The following WWOX variants were observed in gnomAD, a reference collection of about 807,000 sequenced individuals.
The protein encoded by WWOX is WW domain-containing oxidoreductase.
Under a neutral mutation model 46.2 loss-of-function variants are expected in WWOX, and 69 were observed. The observed-to-expected ratio is 1.49, with a 90% CI of 1.23 to 1.82. The LOEUF is 1.82. Among genes scored for constraint, WWOX ranks in the 40% most tolerant of loss-of-function variants. The pLI, the probability that WWOX is intolerant of heterozygous loss-of-function variation, is 0.00. For missense variants in WWOX, 919 were observed against 542.6 expected (o/e 1.69, Z -6.89); for synonymous variants, 359 against 202.6 (o/e 1.77, Z -6.56).
rs145836532 is a variant in WWOX, at chr16:79,147,973, G to T, written c.1057-63635G>T. On this transcript the variant is annotated intron_variant, in intron 8 of 8. Coordinates refer to ENST00000566780, the MANE Select transcript of WWOX (RefSeq NM_016373.4). ...AAATTCTTTATATATTCTAGTTATT[G>T]GTTCTTTGTTGGATATGTGGTTTGC... Among the ~76,000 whole-genome samples the T allele has an allele frequency of 4.3e-4, 65 of 151,870 alleles. 1 individual carries two copies. Among genetic ancestry groups the T allele is most frequent in the African/African-American group, 1.5e-3 (64 of 41,440 alleles).
chr16:79,000,668 G>T (rs908192808), intron 8 of WWOX, among the ~76,000 whole-genome samples: 1 of 152,174 alleles, frequency 6.6e-6, no homozygotes, highest in Non-Finnish European at 1.5e-5. Flanking sequence ...TTTGATTTTA[G>T]CACAGTGATA....
At chr16:78,293,473 G>C (rs1263079797) in intron 5 of WWOX, among the ~76,000 whole-genome samples, 1 of 152,136 alleles carries the variant, frequency 6.6e-6, no homozygotes, top group African/African-American at 2.4e-5. Context: ...CCTGTATGTC[G>C]TCCCTCTTTC....
chr16:78,224,464 A>T (rs531148047), intron 5 of WWOX, among the ~76,000 whole-genome samples: 8 of 151,686 alleles, frequency 5.3e-5, no homozygotes, highest in Admixed American at 3.3e-4. Context: ...GCCTTTTTTC[A>T]TGTAATAGTA....
chr16:79,144,379 C>T (rs901880169), intron 8 of WWOX, among the ~76,000 whole-genome samples: 1 of 152,190 alleles, frequency 6.6e-6, no homozygotes, highest in African/African-American at 2.4e-5. Flanking sequence ...CCAGGAGTTA[C>T]GAATGCCCAG....
At chr16:78,120,160 A>G (rs976989368) in intron 4 of WWOX, among the ~76,000 whole-genome samples, 32 of 152,170 alleles carry the variant, frequency 2.1e-4, no homozygotes, top group African/African-American at 6.8e-4. Context: ...CGTGTATTAC[A>G]TGGACCTATA....
At chr16:78,634,029 A>C (rs1322690738) in intron 8 of WWOX, among the ~76,000 whole-genome samples, 1 of 152,036 alleles carries the variant, frequency 6.6e-6, no homozygotes, top group African/African-American at 2.4e-5. Flanking sequence ...ACTGACAGCC[A>C]GCTGTGGGGT....
chr16:78,223,043 G>C (rs1390598804), intron 5 of WWOX, among the ~76,000 whole-genome samples: 2 of 152,140 alleles, frequency 1.3e-5, no homozygotes, highest in Admixed American at 6.5e-5. Flanking sequence ...TTGAAGCTCT[G>C]GCATGGACTT....
intron 8 of WWOX, among the ~76,000 whole-genome samples, chr16:78,745,336 C>T (rs1475398044): frequency 6.6e-6 from 1 of 152,180 alleles, no homozygotes; most frequent in African/African-American, 2.4e-5. Flanking sequence ...GCCTGAATTT[C>T]CAAGGCTTTC....
At chr16:78,974,508 C>A (rs74032469) in intron 8 of WWOX, among the ~76,000 whole-genome samples, 1,895 of 152,220 alleles carry the variant, frequency 0.012, 39 homozygotes, top group African/African-American at 0.043. Context: ...GTGATGAATC[C>A]GTCTCTGTTA....
rs530380910 is a variant in WWOX at position 79,021,154 on chromosome 16, C to T, written c.1057-190454C>T. Among the ~76,000 whole-genome samples, 37 of 152,212 alleles carry T rather than the reference C, an allele frequency of 2.4e-4. No homozygotes were observed. In the East Asian group the frequency reaches 5.8e-3, roughly 24 times the overall value. ...TATATATTTGTTGAATGAATGAATT[C>T]GTGAATATGTTTATAAAGACAAGGA... On this transcript the variant is annotated intron_variant, in intron 8 of 8. Coordinates refer to ENST00000566780, the MANE Select transcript of WWOX (RefSeq NM_016373.4).
At chr16:78,818,718 C>T (rs76643487) in intron 8 of WWOX, among the ~76,000 whole-genome samples, 243 of 152,346 alleles carry the variant, frequency 1.6e-3, no homozygotes, top group African/African-American at 5.5e-3. Flanking sequence ...GTTTTGAGTG[C>T]TGCCTCTACC....
intron 4 of WWOX, among the ~76,000 whole-genome samples, chr16:78,144,448 C>CATATAT (rs1447794716): frequency 2.8e-4 from 5 of 17,578 alleles, no homozygotes; most frequent in South Asian, 2.9e-3. Context: ...TATATATATA[C>CATATAT]ACATATATAT....
chr16:78,906,923 A>C (rs375005357), intron 8 of WWOX, among the ~76,000 whole-genome samples: 21 of 152,208 alleles, frequency 1.4e-4, no homozygotes, highest in African/African-American at 5.1e-4. Flanking sequence ...ACACGGAAAT[A>C]ATTACGCAAA....
chr16:78,261,772 G>GTATATA (rs1428611663), intron 5 of WWOX, among the ~76,000 whole-genome samples: 1 of 129,988 alleles, frequency 7.7e-6, no homozygotes, highest in Non-Finnish European at 1.6e-5. Flanking sequence ...ATCTATCTAT[G>GTATATA]TATCTATCTA....
chr16:78,757,874 C>G (rs922959161), intron 8 of WWOX, among the ~76,000 whole-genome samples: 1 of 152,032 alleles, frequency 6.6e-6, no homozygotes, highest in Non-Finnish European at 1.5e-5. Flanking sequence ...GTTCCACTCT[C>G]ATGACTGAAG....
At chr16:78,655,118 A>G (rs565390293) in intron 8 of WWOX, among the ~76,000 whole-genome samples, 125 of 152,214 alleles carry the variant, frequency 8.2e-4, no homozygotes, top group South Asian at 2.7e-3. Flanking sequence ...TTTACAGTTA[A>G]GGAAACTCGG....
At chr16:78,114,660 T>A (rs2032679777) in intron 3 of WWOX, among the ~76,000 whole-genome samples, 1 of 149,848 alleles carries the variant, frequency 6.7e-6, no homozygotes, top group Non-Finnish European at 1.5e-5. Context: ...TACATTTACA[T>A]GAATTACATA....
intron 6 of WWOX, among the ~76,000 whole-genome samples, chr16:78,411,618 C>A (rs1024992205): frequency 3.9e-5 from 6 of 152,046 alleles, no homozygotes; most frequent in South Asian, 2.1e-4. Context: ...CATTTAGGAA[C>A]CATTAAAAGT....
intron 4 of WWOX, among the ~76,000 whole-genome samples, chr16:78,125,810 A>C (rs1471630232): frequency 2.0e-5 from 3 of 152,230 alleles, no homozygotes; most frequent in Non-Finnish European, 4.4e-5. Context: ...AGTAGCATTC[A>C]TCAAGCGCCT....
Sources: gnomAD v4.1 joint callset for allele counts (sites outside exome capture counted in the v4.1 genomes callset) on GRCh38, gnomAD v4.1.1 for gene constraint, MANE v1.5 for transcripts, NCBI Gene and HGNC (gene_info 2026-07-23, HGNC 2026-07-21) for gene names.